COL14A1: variants seen among roughly 807,000 people sequenced by gnomAD.
COL14A1 encodes collagen type XIV alpha 1 chain.
A neutral mutation model predicts 230.3 loss-of-function variants in COL14A1; 136 were observed. The ratio of observed to expected loss-of-function variants is 0.59; its 90% CI spans 0.51 to 0.68. The LOEUF (loss-of-function observed/expected upper bound fraction) is 0.68, where lower values mean the gene tolerates loss of function less well. Among genes scored for constraint, COL14A1 ranks in the 30% least tolerant of loss-of-function variants. The probability of loss-of-function intolerance (pLI) is 0.00; values close to 1 mark genes in which losing one functional copy is unlikely to be tolerated. For missense variants in COL14A1, 1,976 were observed against 2,215.8 expected (o/e 0.89, Z 2.17); for synonymous variants, 792 against 784.1 (o/e 1.01, Z -0.17).
intron 1 of COL14A1, among the ~76,000 whole-genome samples, chr8:120,134,478 G>T (rs1010029920): frequency 2.0e-5 from 3 of 151,752 alleles, no homozygotes; most frequent in African/African-American, 7.3e-5. Flanking sequence ...GATGATCAAA[G>T]ATTTCAATTT....
intron 5 of COL14A1, among the ~76,000 whole-genome samples, chr8:120,183,557 T>A (rs1425677924): frequency 6.6e-6 from 1 of 152,220 alleles, no homozygotes; most frequent in Non-Finnish European, 1.5e-5. Flanking sequence ...ATGACAGCCC[T>A]TTACATATTT....
At position 120,222,601 on chromosome 8, in the gene COL14A1, C is replaced by CT. The variant is rs532358872; in HGVS notation, c.1738-2481dup. ...ACAATGGTACAGTACAATGACAGCTCTTTTTTCCAGGGTTGGCACTCTTTT... is the reference window on the plus strand; with the variant it reads ...ACAATGGTACAGTACAATGACAGCTCTTTTTTTCCAGGGTTGGCACTCTTTT... On this transcript the variant is annotated intron_variant, in intron 14 of 47. Transcript: ENST00000297848. Among the ~76,000 whole-genome samples the CT allele has an allele frequency of 1.1e-3, 170 of 152,250 alleles. 1 individual carries two copies. Among genetic ancestry groups the CT allele is most frequent in the African/African-American group, 3.8e-3 (157 of 41,554 alleles).
intron 45 of COL14A1, among the ~76,000 whole-genome samples, chr8:120,351,257 T>C (rs1822758453): frequency 6.8e-6 from 1 of 146,966 alleles, no homozygotes. Flanking sequence ...GGGAAATTTA[T>C]AGCACTAAAT....
intron 5 of COL14A1, among the ~76,000 whole-genome samples, chr8:120,168,555 A>G (rs1187312879): frequency 1.3e-5 from 2 of 152,136 alleles, no homozygotes; most frequent in Non-Finnish European, 2.9e-5. Flanking sequence ...AGGATCACCC[A>G]GTGTAAATTG....
At chr8:120,281,785 A>G (rs28465286) in intron 31 of COL14A1, among the ~76,000 whole-genome samples, 24,787 of 152,128 alleles carry the variant, frequency 0.16, 2,231 homozygotes, top group African/African-American at 0.22. Context: ...ATATCCAGCT[A>G]TCAAGCTCCA....
intron 20 of COL14A1, among the ~76,000 whole-genome samples, chr8:120,246,023 C>A (rs1586800217): frequency 6.6e-6 from 1 of 152,172 alleles, no homozygotes; most frequent in South Asian, 2.1e-4. Flanking sequence ...CTTTATCCAT[C>A]ATAATTACCA....
At chr8:120,162,849 A>T (rs534684592) in intron 4 of COL14A1, among the ~76,000 whole-genome samples, 4 of 152,062 alleles carry the variant, frequency 2.6e-5, no homozygotes, top group Non-Finnish European at 5.9e-5. Context: ...CATCTCTCCT[A>T]TGTGATTTCT....
At chr8:120,338,937 T>C (rs920394839) in intron 42 of COL14A1, among the ~76,000 whole-genome samples, 2 of 152,148 alleles carry the variant, frequency 1.3e-5, no homozygotes, top group Admixed American at 1.3e-4. Context: ...GCCTAAGAAA[T>C]GAGGGAAGAA....
intron 45 of COL14A1, among the ~76,000 whole-genome samples, chr8:120,353,565 C>G (rs1174251979): frequency 6.6e-6 from 1 of 150,992 alleles, no homozygotes; most frequent in African/African-American, 2.5e-5. Context: ...ACCACCCCAT[C>G]AAAAAGTGGG....
At chr8:120,202,491 A>G (rs1237010937) in intron 8 of COL14A1, among the ~76,000 whole-genome samples, 1 of 152,176 alleles carries the variant, frequency 6.6e-6, no homozygotes, top group Non-Finnish European at 1.5e-5. Context: ...GACGGGGATT[A>G]TAAAGAAATC....
intron 13 of COL14A1, among the ~76,000 whole-genome samples, chr8:120,215,484 T>C (rs1030335742): frequency 2.0e-4 from 30 of 152,060 alleles, no homozygotes; most frequent in African/African-American, 7.2e-4. Flanking sequence ...GGGTTTACGC[T>C]GAGGGAGTTG....
At chr8:120,340,037 CAAAAAA>C (rs530829054) in intron 42 of COL14A1, among the ~76,000 whole-genome samples, 4 of 77,732 alleles carry the variant, frequency 5.1e-5, no homozygotes, top group Admixed American at 1.5e-4. Context: ...GACTGCGTCT[CAAAAAA>C]AAAAAAAAAA....
chr8:120,140,427 G>C (rs1814864220), intron 1 of COL14A1, among the ~76,000 whole-genome samples: 2 of 151,862 alleles, frequency 1.3e-5, no homozygotes, highest in South Asian at 2.1e-4. Context: ...CAGTGCTTTG[G>C]TTATATAGTA....
At chr8:120,203,986 C>T in intron 9 of COL14A1, 116 bp downstream of exon 9, 1 of 987,276 alleles carries the variant, frequency 1.0e-6, no homozygotes, top group Admixed American at 2.6e-5. Flanking sequence ...CCCCTTATTC[C>T]CCTAAGACCT....
intron 9 of COL14A1, among the ~76,000 whole-genome samples, chr8:120,205,544 T>G (rs1289609249): frequency 6.6e-6 from 1 of 152,186 alleles, no homozygotes; most frequent in African/African-American, 2.4e-5. Context: ...TATCCAAGTC[T>G]TCTTTCAAGA....
chr8:120,327,353 A>G (rs890585746), intron 40 of COL14A1, among the ~76,000 whole-genome samples: 9 of 152,068 alleles, frequency 5.9e-5, no homozygotes, highest in African/African-American at 2.2e-4. Flanking sequence ...ATGTGAGTCA[A>G]CTCTGACGTG....
At chr8:120,337,583 G>A (rs1038503176) in intron 42 of COL14A1, among the ~76,000 whole-genome samples, 1 of 152,122 alleles carries the variant, frequency 6.6e-6, no homozygotes, top group Non-Finnish European at 1.5e-5. Context: ...TCTTTAATAT[G>A]TAGGACTTGA....
chr8:120,147,365 A>G (rs181128497), intron 1 of COL14A1, among the ~76,000 whole-genome samples: 1 of 152,214 alleles, frequency 6.6e-6, no homozygotes, highest in South Asian at 2.1e-4. Context: ...TTGGATCACC[A>G]GTAGAAAGGT....
chr8:120,187,147 A>T (rs998295200), intron 5 of COL14A1, among the ~76,000 whole-genome samples: 12 of 152,226 alleles, frequency 7.9e-5, no homozygotes, highest in African/African-American at 2.9e-4. Context: ...AAATACCTTT[A>T]TCTAAAAATG....
Sources: allele counts gnomAD v4.1 joint callset (sites outside exome capture counted in the v4.1 genomes callset), GRCh38; gene constraint gnomAD v4.1.1; transcripts MANE v1.5; gene names NCBI Gene and HGNC (gene_info 2026-07-23, HGNC 2026-07-21).